OPCML: variants seen among roughly 807,000 people sequenced by gnomAD.
OPCML encodes the protein opioid binding protein/cell adhesion molecule like.
A neutral mutation model predicts 37.8 loss-of-function variants in OPCML; 13 were observed. The ratio of observed to expected loss-of-function variants is 0.34; its 90% CI spans 0.22 to 0.55. The LOEUF is 0.55. Ranked by LOEUF, OPCML falls within the 20% of genes least tolerant of loss-of-function variation. OPCML has a pLI of 0.91. For missense variants in OPCML, 341 were observed against 435.6 expected, an observed-to-expected ratio of 0.78 and a Z score of 1.93; for synonymous variants, 176 against 168.8, an observed-to-expected ratio of 1.04 and a Z score of -0.33.
At chr11:132,616,152 C>G (rs1939001003) in intron 3 of OPCML, among the ~76,000 whole-genome samples, 1 of 152,164 alleles carries the variant, frequency 6.6e-6, no homozygotes, top group Non-Finnish European at 1.5e-5. Flanking sequence ...CTACCTTCAT[C>G]TTTGGAGACA....
intron 1 of OPCML, among the ~76,000 whole-genome samples, chr11:133,433,498 T>A (rs1311995414): frequency 1.3e-5 from 2 of 152,160 alleles, no homozygotes; most frequent in Non-Finnish European, 2.9e-5. Flanking sequence ...TACAAAATTG[T>A]GGAAATGTTA....
rs571638621 is a variant in OPCML at position 132,739,291 on chromosome 11, G to A, written c.147-81972C>T. ...GCACCCTTTTGTCCCTTATCACTGG[G>A]TTCCTTCCCACGTGTTTGCATGCTG... is the stretch of plus-strand genomic sequence containing the variant. On this transcript the variant is annotated intron_variant, in intron 2 of 7. Coordinates refer to ENST00000524381, the MANE Select transcript of OPCML (RefSeq NM_001012393.5). 7.2e-5 allele frequency among the ~76,000 whole-genome samples: 11 copies of A among 152,250 alleles called. No homozygotes were observed. The South Asian group carries it at 2.1e-3, about 29-fold the overall frequency.
Position 132,447,303 on chromosome 11 carries a change from T to C in OPCML, c.506-9944A>G, listed in dbSNP as rs551592796. Among the ~76,000 whole-genome samples the C allele has an allele frequency of 5.3e-5, 8 of 152,240 alleles. 1 individual carries two copies. In the South Asian group the frequency reaches 1.7e-3, roughly 32 times the overall value. ...TTGACACCTGTCTTCCCAATGTACT[T>C]TGTTTTCTTTTGAGACAGAGTTTCA... On this transcript the variant is annotated intron_variant, in intron 4 of 7. Coordinates refer to ENST00000524381, the MANE Select transcript of OPCML (RefSeq NM_001012393.5).
chr11:133,434,884 A>G (rs1424190289), intron 1 of OPCML, among the ~76,000 whole-genome samples: 4 of 148,650 alleles, frequency 2.7e-5, no homozygotes, highest in Non-Finnish European at 5.9e-5. Context: ...CATATAATAC[A>G]TACTTTTTAA....
chr11:132,475,688 C>T (rs548727477), intron 4 of OPCML, among the ~76,000 whole-genome samples: 8 of 150,586 alleles, frequency 5.3e-5, no homozygotes, highest in Non-Finnish European at 8.9e-5. Flanking sequence ...CCTCCAGAAA[C>T]GTGAAAAAAA....
At chr11:133,027,598 G>T (rs1470569214) in intron 1 of OPCML, among the ~76,000 whole-genome samples, 2 of 144,700 alleles carry the variant, frequency 1.4e-5, no homozygotes, top group South Asian at 4.9e-4. Context: ...GTGTATGTGT[G>T]GTGTGCATGG....
At chr11:133,429,923 A>G (rs1946082693) in intron 1 of OPCML, among the ~76,000 whole-genome samples, 1 of 152,200 alleles carries the variant, frequency 6.6e-6, no homozygotes, top group Admixed American at 6.5e-5. Flanking sequence ...TAGACCCTGA[A>G]GTCATAATAT....
chr11:133,028,295 T>C (rs1947602104), intron 1 of OPCML, among the ~76,000 whole-genome samples: 1 of 152,116 alleles, frequency 6.6e-6, no homozygotes, highest in African/African-American at 2.4e-5. Context: ...TCAGGCACTG[T>C]GGCAGCCTGG....
chr11:133,050,344 A>G (rs939454481), intron 1 of OPCML, among the ~76,000 whole-genome samples: 2 of 152,202 alleles, frequency 1.3e-5, no homozygotes, highest in African/African-American at 2.4e-5. Flanking sequence ...GAACCCTGGC[A>G]GAGACACATC....
intron 3 of OPCML, among the ~76,000 whole-genome samples, chr11:132,630,383 C>G (rs1185764526): frequency 6.6e-6 from 1 of 152,166 alleles, no homozygotes; most frequent in African/African-American, 2.4e-5. Flanking sequence ...TATGGTGAAA[C>G]TCTGTCTCTA....
rs1271040683 is a variant in OPCML at position 132,570,804 on chromosome 11, T to TGAGAGAGAG, written c.380-41619_380-41618insCTCTCTCTC. Among the ~76,000 whole-genome samples the TGAGAGAGAG allele has an allele frequency of 1.3e-3, 122 of 90,758 alleles. No individual in the cohort carries two copies. The Middle Eastern group carries it at 0.017, about 13-fold the overall frequency. The allele number at this position is 90,758 out of a possible 152,430, so 59.5% of individuals were successfully genotyped here. A position where few individuals can be genotyped will look rare whatever the true frequency, so the allele number is the denominator to read the frequency against. Reference sequence around the variant, plus strand: ...ATATATATATATATATATATATATTTAGAGAGAGAGAGAGAGGATATATAC... The same window carrying TGAGAGAGAG: ...ATATATATATATATATATATATATTTGAGAGAGAGAGAGAGAGAGAGAGAGGATATATAC... On this transcript the variant is annotated intron_variant, in intron 3 of 7. Transcript: ENST00000524381.
intron 1 of OPCML, among the ~76,000 whole-genome samples, chr11:133,126,989 C>T (rs760411039): frequency 1.3e-5 from 2 of 152,156 alleles, no homozygotes; most frequent in Non-Finnish European, 2.9e-5. Context: ...AGATGGCATC[C>T]ACATTTTCAC....
chr11:133,031,647 G>A (rs1470060607), intron 1 of OPCML, among the ~76,000 whole-genome samples: 1 of 152,018 alleles, frequency 6.6e-6, no homozygotes, highest in Non-Finnish European at 1.5e-5. Context: ...TGGATGGGAA[G>A]TTGCCAGGGT....
At chr11:133,299,096 A>G (rs569203795) in intron 1 of OPCML, 8 of 152,210 alleles carry the variant, frequency 5.3e-5, no homozygotes, top group Admixed American at 5.2e-4. Flanking sequence ...ACCCAAATGC[A>G]CCTAATCCCC....
chr11:132,728,278 G>T (rs1193046124), intron 2 of OPCML, among the ~76,000 whole-genome samples: 1 of 152,120 alleles, frequency 6.6e-6, no homozygotes, highest in African/African-American at 2.4e-5. Flanking sequence ...CTGCCTGGGT[G>T]ACAGGAGTCT....
chr11:133,481,745 GA>G (rs1478352238), intron 1 of OPCML, among the ~76,000 whole-genome samples: 2 of 152,270 alleles, frequency 1.3e-5, no homozygotes, highest in South Asian at 2.1e-4. Flanking sequence ...AAAAAAGGGG[GA>G]AAGTTAAATG....
intron 4 of OPCML, among the ~76,000 whole-genome samples, chr11:132,469,761 TGTGTGTGTATGTGTGGAGGG>T (rs1269930526): frequency 9.0e-6 from 1 of 111,118 alleles, no homozygotes; most frequent in Non-Finnish European, 1.8e-5. Context: ...GGGGTGTGAG[TGTGTGTGTATGTGTGGAGGG>T]GTGTGTGTGT....
chr11:133,002,966 A>C (rs1367886311), intron 1 of OPCML, among the ~76,000 whole-genome samples: 1 of 152,170 alleles, frequency 6.6e-6, no homozygotes, highest in Non-Finnish European at 1.5e-5. Context: ...AGTGGGGGGA[A>C]AAATGCAAGT....
intron 1 of OPCML, among the ~76,000 whole-genome samples, chr11:133,531,903 A>T (rs1948613311): frequency 6.6e-6 from 1 of 152,144 alleles, no homozygotes; most frequent in Non-Finnish European, 1.5e-5. Context: ...GGCAGCAAGA[A>T]GGATTTATGG....
Sources: allele counts gnomAD v4.1 joint callset (sites outside exome capture counted in the v4.1 genomes callset), GRCh38; gene constraint gnomAD v4.1.1; transcripts MANE v1.5; gene names NCBI Gene and HGNC (gene_info 2026-07-23, HGNC 2026-07-21).